RPTOR: variants seen among roughly 807,000 people sequenced by gnomAD.
RPTOR encodes regulatory-associated protein of mTOR.
A neutral mutation model predicts 169.9 loss-of-function variants in RPTOR; 21 were observed. The observed-to-expected ratio is 0.12, with a 90% CI of 0.09 to 0.18. RPTOR has a LOEUF of 0.18. Ranked by LOEUF, RPTOR falls within the 10% of genes least tolerant of loss-of-function variation. The pLI is 1.00. For missense variants in RPTOR, 1,133 were observed against 1,855.9 expected (o/e 0.61, Z 7.16); for synonymous variants, 732 against 753.2 (o/e 0.97, Z 0.46).
At chr17:80,768,695 A>G (rs1343347182) in intron 6 of RPTOR, among the ~76,000 whole-genome samples, 1 of 152,080 alleles carries the variant, frequency 6.6e-6, no homozygotes, top group Non-Finnish European at 1.5e-5. Flanking sequence ...AATCATACCT[A>G]CTAATCGACT....
intron 3 of RPTOR, among the ~76,000 whole-genome samples, chr17:80,699,966 CAAGAA>C (rs2066070787): frequency 6.6e-6 from 1 of 152,076 alleles, no homozygotes; most frequent in South Asian, 2.1e-4. Flanking sequence ...GAAGAGCATC[CAAGAA>C]GGATGCTTTC....
intron 10 of RPTOR, among the ~76,000 whole-genome samples, 193 bp downstream of exon 10, chr17:80,838,190 A>G (rs1370613895): frequency 2.6e-5 from 4 of 152,204 alleles, no homozygotes; most frequent in Admixed American, 2.0e-4. Context: ...TAAACTTTGA[A>G]AGAATCAACT....
At chr17:80,565,334 G>A (rs1389108410) in intron 1 of RPTOR, among the ~76,000 whole-genome samples, 1 of 152,222 alleles carries the variant, frequency 6.6e-6, no homozygotes, top group African/African-American at 2.4e-5. Context: ...GGAATAAGGA[G>A]CTTGGTAGAA....
At chr17:80,877,220 C>CGA (rs1181348020) in intron 13 of RPTOR, among the ~76,000 whole-genome samples, 1 of 152,210 alleles carries the variant, frequency 6.6e-6, no homozygotes, top group Admixed American at 6.5e-5. Context: ...GAGCAGCAGC[C>CGA]GAGAGAGTCC....
intron 1 of RPTOR, among the ~76,000 whole-genome samples, chr17:80,598,607 C>T (rs957942984): frequency 2.6e-5 from 4 of 152,178 alleles, no homozygotes; most frequent in Non-Finnish European, 4.4e-5. Context: ...TGATCTTTTG[C>T]GCAGGGTGGT....
rs1035609081 is a variant in RPTOR, at chr17:80,911,268, G to A, written c.2520+2339G>A. Among the ~76,000 whole-genome samples, 6 of 152,224 alleles carry A rather than the reference G, an allele frequency of 3.9e-5. No individual in the cohort carries two copies. The East Asian group carries it at 7.7e-4, about 20-fold the overall frequency. On this transcript the variant is annotated intron_variant, in intron 21 of 33. Transcript: ENST00000306801. The stretch of plus-strand genomic sequence containing the variant: ...TCCTTCGTCACCGCATCCCTGCAGC[G>A]GATTCTGCCACCTCCTTCGTCACCG...
At chr17:80,891,002 A>T (rs1454084353) in intron 17 of RPTOR, among the ~76,000 whole-genome samples, 1 of 151,648 alleles carries the variant, frequency 6.6e-6, no homozygotes, top group Non-Finnish European at 1.5e-5. Context: ...AAAAAAAGGC[A>T]GAAAAAGTTG....
At chr17:80,801,179 G>T (rs1393616408) in intron 7 of RPTOR, among the ~76,000 whole-genome samples, 2 of 152,184 alleles carry the variant, frequency 1.3e-5, no homozygotes, top group Non-Finnish European at 2.9e-5. Context: ...AGAGCACGTG[G>T]CTATCCGTGC....
In RPTOR at chr17:80,878,234, C is replaced by G. The variant is rs1005619709; in HGVS notation, c.1510-2181C>G. Among the ~76,000 whole-genome samples, 1 of 152,168 alleles carries G rather than the reference C, an allele frequency of 6.6e-6. No individual in the cohort carries two copies. Among genetic ancestry groups the G allele is most frequent in the Non-Finnish European group, 1.5e-5 (1 of 68,044 alleles). Reference sequence around the variant, plus strand: ...GTTTCTAGGTATTGATCCTAGAAACCCATGCTCTGTGGGTCCCTCTCCAAG... The same window carrying G: ...GTTTCTAGGTATTGATCCTAGAAACGCATGCTCTGTGGGTCCCTCTCCAAG... On this transcript the variant is annotated intron_variant, in intron 13 of 33. Coordinates refer to ENST00000306801, the MANE Select transcript of RPTOR (RefSeq NM_020761.3). The surrounding 1 kb of genome is among the most constrained non-coding windows in gnomAD (Gnocchi z 4.1).
At chr17:80,896,249 C>G (rs1006144601) in intron 20 of RPTOR, among the ~76,000 whole-genome samples, 5 of 151,982 alleles carry the variant, frequency 3.3e-5, no homozygotes, top group African/African-American at 1.2e-4. Flanking sequence ...ACAGCCCGTC[C>G]TCCCGCCAGT....
At chr17:80,593,128 CTTTTCCCTGAAAGAA>C (rs2065119462) in intron 1 of RPTOR, 2 of 152,586 alleles carry the variant, frequency 1.3e-5, no homozygotes, top group South Asian at 4.1e-4. Context: ...TGGGATGCTG[CTTTTCCCTGAAAGAA>C]TAAGAGACAG....
intron 7 of RPTOR, among the ~76,000 whole-genome samples, chr17:80,807,423 TCACTGCAACCTC>T (rs1413365729): frequency 6.6e-6 from 1 of 152,152 alleles, no homozygotes; most frequent in Non-Finnish European, 1.5e-5. Context: ...GATCTCAAGC[TCACTGCAACCTC>T]CACCTCCCAG....
chr17:80,947,283 G>A lies in RPTOR; in HGVS notation c.3197G>A (p.Arg1066Gln), dbSNP rs755012671. ...KLDYFHNGNP[R>Q]YTRVTAMEYL... ...GATTATTTCCACAATGGGAACCCTC[G>A]GTACACGAGGGTCACTGCCATGGAG... Residue 1066 changes from arginine to glutamine, a missense_variant, in exon 27 of 34, where the codon CGG becomes CAG. By Grantham distance (43) the Arg-to-Gln change is conservative. Transcript: ENST00000306801. The surrounding 1 kb of genome is among the most constrained non-coding windows in gnomAD (Gnocchi z 4.4). 6.2e-6 allele frequency: 10 copies of A among 1,605,434 alleles called. No individual in the cohort carries two copies. Among genetic ancestry groups the A allele is most frequent in the Middle Eastern group, 1.7e-4 (1 of 6,038 alleles).
intron 20 of RPTOR, among the ~76,000 whole-genome samples, chr17:80,901,907 C>T (rs529638684): frequency 1.4e-4 from 22 of 152,340 alleles, no homozygotes; most frequent in Admixed American, 2.0e-4. Context: ...AATGAAGCCC[C>T]TTGGCTGGTA....
chr17:80,672,996 G>A (rs2065833688), intron 3 of RPTOR, among the ~76,000 whole-genome samples: 1 of 151,960 alleles, frequency 6.6e-6, no homozygotes, highest in Non-Finnish European at 1.5e-5. Flanking sequence ...GTGCAATCTT[G>A]GCTCACTGCA....
At chr17:80,575,746 C>T (rs1040449219) in intron 1 of RPTOR, among the ~76,000 whole-genome samples, 6 of 152,160 alleles carry the variant, frequency 3.9e-5, no homozygotes, top group African/African-American at 1.4e-4. Flanking sequence ...TTGTGGTGTA[C>T]AAATCATTTA....
rs138893220 is a variant in RPTOR at position 80,754,132 on chromosome 17, G to A, written c.777G>A (p.Pro259=). The change falls in exon 6 of 34, where the codon CCG becomes CCA. Residue 259 remains proline (P), a synonymous_variant. Coordinates refer to ENST00000306801, the MANE Select transcript of RPTOR (RefSeq NM_020761.3). This position sits in a 1 kb window ranked among gnomAD's most constrained non-coding sequence, Gnocchi z 4.2. The part of the protein sequence containing the change: ...TELLPMIPDL[P]ADLFTSCLTT... ...TGCTGCCCATGATCCCCGACCTCCC[G>A]GCTGACCTATTCACCTCCTGCCTCA... The A allele has an allele frequency of 2.8e-4, 449 of 1,613,488 alleles. No individual in the cohort carries two copies. In the African/African-American group the frequency reaches 4.0e-3, roughly 14 times the overall value.
intron 20 of RPTOR, among the ~76,000 whole-genome samples, chr17:80,907,096 C>A (rs151132242): frequency 6.6e-6 from 1 of 152,322 alleles, no homozygotes; most frequent in Non-Finnish European, 1.5e-5. Context: ...TTGACTGTGT[C>A]GTGCAAAACC....
rs957271283 is a variant in RPTOR, at chr17:80,615,029, A to G, written c.163-10662A>G. Among the ~76,000 whole-genome samples, 13 of 152,288 alleles carry G rather than the reference A, an allele frequency of 8.5e-5. No individual in the cohort carries two copies. The East Asian group carries it at 2.5e-3, about 29-fold the overall frequency. Reference sequence around the variant, plus strand: ...GGGAGAGTTCTGACGTTATTTTACTAAGGTGAGGTTTGCTAAGCCATCATT... The same window carrying G: ...GGGAGAGTTCTGACGTTATTTTACTGAGGTGAGGTTTGCTAAGCCATCATT... On this transcript the variant is annotated intron_variant, in intron 1 of 33. Transcript: ENST00000306801.
Sources: allele counts gnomAD v4.1 joint callset (sites outside exome capture counted in the v4.1 genomes callset), GRCh38; gene constraint gnomAD v4.1.1; non-coding constraint Gnocchi (gnomAD v3.1); transcripts MANE v1.5; gene names NCBI Gene and HGNC (gene_info 2026-07-23, HGNC 2026-07-21).